Variants in XRCC6 observed in about 807,000 individuals in gnomAD.
XRCC6 encodes the protein X-ray repair cross complementing 6, also known as DNA repair protein Ku70.
Under a neutral mutation model 65.7 loss-of-function variants are expected in XRCC6, and 5 were observed. The ratio of observed to expected loss-of-function variants is 0.08; its 90% CI spans 0.04 to 0.16. The LOEUF (loss-of-function observed/expected upper bound fraction) is 0.16. Ranked by LOEUF, XRCC6 falls within the 10% of genes least tolerant of loss-of-function variation. XRCC6 has a pLI of 1.00. For missense variants in XRCC6, 447 were observed against 738.1 expected (o/e 0.61, Z 4.57); for synonymous variants, 270 against 270.6 (o/e 1.00, Z 0.02).
chr22:41,649,034 A>C (rs2147102434), intron 7 of XRCC6, among the ~76,000 whole-genome samples: 1 of 150,866 alleles, frequency 6.6e-6, no homozygotes, highest in African/African-American at 2.4e-5. Context: ...CAGGAGTTTG[A>C]GATCAGCCTG....
At chr22:41,649,160 A>ACG (rs2067969247) in intron 7 of XRCC6, among the ~76,000 whole-genome samples, 1 of 125,874 alleles carries the variant, frequency 7.9e-6, no homozygotes, top group African/African-American at 3.6e-5. Context: ...ATATATATAT[A>ACG]TATGTATGTA....
At chr22:41,643,014 G>T (rs545426756) in intron 6 of XRCC6, among the ~76,000 whole-genome samples, 1 of 152,114 alleles carries the variant, frequency 6.6e-6, no homozygotes, top group African/African-American at 2.4e-5. Flanking sequence ...GTATATCTTC[G>T]AACTATACAG....
intron 2 of XRCC6, among the ~76,000 whole-genome samples, chr22:41,623,564 T>G (rs2067635118): frequency 6.6e-6 from 1 of 151,886 alleles, no homozygotes. Flanking sequence ...GTTTTTTGTA[T>G]TTTTAGTAGA....
chr22:41,647,512 C>T (rs538190988), intron 7 of XRCC6, among the ~76,000 whole-genome samples: 206 of 148,790 alleles, frequency 1.4e-3, no homozygotes, highest in Middle Eastern at 3.6e-3. Context: ...ACCCGGGAGG[C>T]AGAGGTTGCG....
At chr22:41,625,882 C>T (rs2147064634) in intron 2 of XRCC6, among the ~76,000 whole-genome samples, 1 of 152,284 alleles carries the variant, frequency 6.6e-6, no homozygotes. Flanking sequence ...TCTCTGTCGC[C>T]AGGCTGGAGT....
intron 8 of XRCC6, among the ~76,000 whole-genome samples, chr22:41,651,108 G>A (rs906966790): frequency 3.3e-5 from 5 of 152,104 alleles, no homozygotes; most frequent in Admixed American, 2.0e-4. Context: ...GACGAGCCTG[G>A]CCAACATGGT....
intron 2 of XRCC6, among the ~76,000 whole-genome samples, chr22:41,624,413 G>A (rs544294403): frequency 1.1e-3 from 166 of 151,724 alleles, no homozygotes; most frequent in Non-Finnish European, 2.1e-3. Context: ...GGGGCCGGGC[G>A]CGGTGGCTCA....
At chr22:41,636,383 C>T (rs2067810092) in intron 4 of XRCC6, 132 bp downstream of exon 4, 4 of 1,484,030 alleles carry the variant, frequency 2.7e-6, no homozygotes, top group Non-Finnish European at 3.6e-6. Context: ...GGGGACCTTG[C>T]TCGATGTGGA....
chr22:41,632,690 G>C (rs781573303), intron 3 of XRCC6, among the ~76,000 whole-genome samples: 1 of 152,022 alleles, frequency 6.6e-6, no homozygotes, highest in Admixed American at 6.6e-5. Flanking sequence ...GGGTGTGGTG[G>C]TGTGCACTTG....
At chr22:41,636,000 T>C in intron 3 of XRCC6, 113 bp from the exon 4 acceptor site, 1 of 917,792 alleles carries the variant, frequency 1.1e-6, no homozygotes, top group South Asian at 2.4e-5. Context: ...CTTGCCTTAT[T>C]TTAGTGCCAT....
intron 2 of XRCC6, among the ~76,000 whole-genome samples, chr22:41,622,945 GAAAA>G (rs536296349): frequency 7.5e-6 from 1 of 133,370 alleles, no homozygotes; most frequent in African/African-American, 2.8e-5. Context: ...ACTCTCTCAG[GAAAA>G]AAAAAAAAGT....
Position 41,626,631 on chromosome 22 carries a change from G to GTTTTTTTTT in XRCC6, c.83-1484_83-1476dup, listed in dbSNP as rs921225213. Among the ~76,000 whole-genome samples the GTTTTTTTTT allele has an allele frequency of 2.2e-4, 24 of 111,520 alleles. 1 individual carries two copies. The highest frequency in any genetic ancestry group is 3.8e-4 in the Non-Finnish European group (19 of 49,966). The allele number at this position is 111,520 out of a possible 152,430, so 73.2% of individuals were successfully genotyped here. On this transcript the variant is annotated intron_variant, in intron 2 of 12. Transcript: ENST00000360079. ...CACCACACCTGGCTAATGTTTGTTT[G>GTTTTTTTTT]TTTTTTTTTTTGTTTTTTTTTTTTG...
intron 10 of XRCC6, among the ~76,000 whole-genome samples, chr22:41,657,887 G>A (rs971241312): frequency 2.6e-5 from 4 of 151,718 alleles, no homozygotes; most frequent in African/African-American, 4.8e-5. Context: ...ACCGTGGCAC[G>A]ATCATGGCTC....
intron 7 of XRCC6, among the ~76,000 whole-genome samples, chr22:41,648,574 T>C (rs1050167688): frequency 6.6e-6 from 1 of 152,174 alleles, no homozygotes; most frequent in African/African-American, 2.4e-5. Flanking sequence ...TTGTCTTTTC[T>C]CATCCTCTTA....
chr22:41,626,497 C>G (rs2067674887), intron 2 of XRCC6, among the ~76,000 whole-genome samples: 1 of 151,886 alleles, frequency 6.6e-6, no homozygotes, highest in Admixed American at 6.6e-5. Context: ...CTCTGTGGCC[C>G]AGGCTGGAGA....
At chr22:41,649,365 AG>A (rs1481206640) in intron 7 of XRCC6, among the ~76,000 whole-genome samples, 1 of 149,782 alleles carries the variant, frequency 6.7e-6, no homozygotes, top group Non-Finnish European at 1.5e-5. Context: ...TCATAGAGAC[AG>A]GATCTCACTA....
intron 2 of XRCC6, among the ~76,000 whole-genome samples, chr22:41,625,363 C>G (rs1021597254): frequency 6.6e-6 from 1 of 151,940 alleles, no homozygotes; most frequent in African/African-American, 2.4e-5. Flanking sequence ...CAGTGGCTCA[C>G]GGCTGTAATC....
chr22:41,650,470 C>T (rs954880426), intron 7 of XRCC6, among the ~76,000 whole-genome samples: 1 of 152,074 alleles, frequency 6.6e-6, no homozygotes, highest in Non-Finnish European at 1.5e-5. Context: ...TATTCATAAG[C>T]ACAGTCCCAC....
rs151033165 is a variant in XRCC6, at chr22:41,639,548, C to G, written c.773+1757C>G. Among the ~76,000 whole-genome samples the G allele has an allele frequency of 1.0e-3, 154 of 151,204 alleles. 1 individual carries two copies. The Middle Eastern group carries it at 0.014, about 13-fold the overall frequency. ...TTTTTTGTGAGATGGGGTCTCACTG[C>G]TTTGCACAGGCTGGTTGCAAACTCC... On this transcript the variant is annotated intron_variant, in intron 6 of 12. Coordinates refer to ENST00000360079, the MANE Select transcript of XRCC6 (RefSeq NM_001469.5).
Sources: gnomAD v4.1 joint callset for allele counts (sites outside exome capture counted in the v4.1 genomes callset) on GRCh38, gnomAD v4.1.1 for gene constraint, MANE v1.5 for transcripts, NCBI Gene and HGNC (gene_info 2026-07-23, HGNC 2026-07-21) for gene names.